Variants in MMP16 observed in about 807,000 individuals in gnomAD.
MMP16 encodes matrix metalloproteinase-16.
MMP16 carries 12 observed loss-of-function variants against 67.8 expected under a neutral mutation model. The observed-to-expected ratio is 0.18, with a 90% CI of 0.11 to 0.29. The LOEUF (loss-of-function observed/expected upper bound fraction) is 0.29. MMP16 is among the 10% of genes least tolerant of loss of function. The pLI is 1.00. For synonymous variants in MMP16, 249 were observed against 255.9 expected, an observed-to-expected ratio of 0.97 and a Z score of 0.26; for missense variants, 475 against 765.7, an observed-to-expected ratio of 0.62 and a Z score of 4.48.
intron 1 of MMP16, among the ~76,000 whole-genome samples, chr8:88,218,057 GC>G (rs1310700719): frequency 6.6e-6 from 1 of 151,800 alleles, no homozygotes; most frequent in Non-Finnish European, 1.5e-5. Context: ...ACTATATTAG[GC>G]AAAAGATCTT....
In MMP16 at chr8:88,318,622, T is replaced by G. The variant is rs569587678; in HGVS notation, c.132+8453A>C. ...CAGCCTGTCTGCTTTGATTTTAGGCTATCCCACTTCAGCACTTCATAGCAA... is the reference window on the plus strand; with the variant it reads ...CAGCCTGTCTGCTTTGATTTTAGGCGATCCCACTTCAGCACTTCATAGCAA... On this transcript the variant is annotated intron_variant, in intron 1 of 9. Transcript: ENST00000286614. Among the ~76,000 whole-genome samples the G allele has an allele frequency of 3.9e-5, 6 of 152,310 alleles. No individual in the cohort carries two copies. In the South Asian group the frequency reaches 1.2e-3, roughly 32 times the overall value.
chr8:88,272,563 TTAAA>T (rs1213287137), intron 1 of MMP16, among the ~76,000 whole-genome samples: 3 of 152,160 alleles, frequency 2.0e-5, no homozygotes, highest in African/African-American at 7.2e-5. Context: ...ATAGTTATCT[TTAAA>T]TACAGACAAT....
chr8:88,057,681 C>A (rs369384276), intron 7 of MMP16, among the ~76,000 whole-genome samples: 3 of 151,986 alleles, frequency 2.0e-5, no homozygotes, highest in Non-Finnish European at 4.4e-5. Context: ...AAACAAAAAC[C>A]ACACATCTTT....
chr8:88,119,655 T>C (rs1807786359), intron 4 of MMP16, among the ~76,000 whole-genome samples: 1 of 152,086 alleles, frequency 6.6e-6, no homozygotes, highest in Admixed American at 6.6e-5. Context: ...TGATGACTTC[T>C]ACATTTTGTT....
At position 88,040,064 on chromosome 8, in the gene MMP16, A is replaced by G. The variant is rs977921960; in HGVS notation, c.*1397T>C. 3 of 152,586 alleles carry G rather than the reference A, an allele frequency of 2.0e-5. No homozygotes were observed. Among genetic ancestry groups the G allele is most frequent in the African/African-American group, 7.2e-5 (3 of 41,434 alleles). 9.5% of individuals were successfully genotyped at this position (152,586 alleles called of 1,614,324 possible). A position where few individuals can be genotyped will look rare whatever the true frequency, so the allele number is the denominator to read the frequency against. On this transcript the variant is annotated 3_prime_UTR_variant, in exon 10 of 10. Transcript: ENST00000286614. ...CGTTTTAATTCATTTTTAAAATGGCAATGCTAACTGCATATACCAAGGCAA... is the reference window on the plus strand; with the variant it reads ...CGTTTTAATTCATTTTTAAAATGGCGATGCTAACTGCATATACCAAGGCAA...
chr8:88,173,158 C>G (rs1018684310), intron 3 of MMP16, among the ~76,000 whole-genome samples: 1 of 152,084 alleles, frequency 6.6e-6, no homozygotes, highest in African/African-American at 2.4e-5. Context: ...TTAAGGTAAT[C>G]TTCCTGCCTC....
Position 88,233,208 on chromosome 8 carries a change from C to T in MMP16, c.133-35902G>A, listed in dbSNP as rs181125899. Among the ~76,000 whole-genome samples, 58 of 152,212 alleles carry T rather than the reference C, an allele frequency of 3.8e-4. 2 individuals carry two copies. In the East Asian group the frequency reaches 0.01, roughly 27 times the overall value. ...CAAATGCCAGATATTATTATTCCAA[C>T]GACACTCCACTCCTTATTTTTTTTA... is the stretch of plus-strand genomic sequence containing the variant. On this transcript the variant is annotated intron_variant, in intron 1 of 9. Coordinates refer to ENST00000286614, the MANE Select transcript of MMP16 (RefSeq NM_005941.5).
chr8:88,286,086 T>G (rs1306809396), intron 1 of MMP16, among the ~76,000 whole-genome samples: 1 of 152,204 alleles, frequency 6.6e-6, no homozygotes, highest in African/African-American at 2.4e-5. Flanking sequence ...AAGGAGCTCT[T>G]TTTAGTTCTC....
intron 1 of MMP16, among the ~76,000 whole-genome samples, chr8:88,253,502 C>T (rs941165915): frequency 9.2e-5 from 14 of 152,010 alleles, no homozygotes; most frequent in African/African-American, 3.4e-4. Context: ...CTGTGGTCTT[C>T]CTTCCCAAAA....
intron 6 of MMP16, among the ~76,000 whole-genome samples, chr8:88,081,428 C>T (rs1196694767): frequency 6.6e-6 from 1 of 152,028 alleles, no homozygotes; most frequent in East Asian, 1.9e-4. Flanking sequence ...TCTATATCTC[C>T]CAATCACAGC....
intron 8 of MMP16, among the ~76,000 whole-genome samples, chr8:88,055,465 C>G (rs550205158): frequency 3.3e-5 from 5 of 152,300 alleles, no homozygotes; most frequent in Non-Finnish European, 7.3e-5. Context: ...ACCTTGGCCT[C>G]GCAAAATGCT....
chr8:88,213,047 A>AT (rs539017166), intron 1 of MMP16, among the ~76,000 whole-genome samples: 1 of 152,128 alleles, frequency 6.6e-6, no homozygotes, highest in Non-Finnish European at 1.5e-5. Flanking sequence ...GGTTGAAAGC[A>AT]TTTTTTTGTA....
intron 1 of MMP16, among the ~76,000 whole-genome samples, chr8:88,214,684 C>A (rs931474100): frequency 2.6e-5 from 4 of 152,078 alleles, no homozygotes; most frequent in Non-Finnish European, 5.9e-5. Flanking sequence ...AAGTATAAAT[C>A]GTCTGCTTAT....
intron 6 of MMP16, among the ~76,000 whole-genome samples, chr8:88,094,515 C>G (rs1220182016): frequency 6.6e-6 from 1 of 151,510 alleles, no homozygotes; most frequent in Non-Finnish European, 1.5e-5. Context: ...GAAACAGTAT[C>G]TTTCTCCCTT....
At chr8:88,307,966 A>C (rs1390840830) in intron 1 of MMP16, among the ~76,000 whole-genome samples, 1 of 152,142 alleles carries the variant, frequency 6.6e-6, no homozygotes, top group Non-Finnish European at 1.5e-5. Flanking sequence ...ATAACTCCAT[A>C]TCTCAGAAAG....
intron 1 of MMP16, among the ~76,000 whole-genome samples, chr8:88,282,353 G>A (rs1262749508): frequency 2.0e-5 from 3 of 152,198 alleles, no homozygotes; most frequent in Non-Finnish European, 2.9e-5. Flanking sequence ...GATTACAGGC[G>A]TGAGCCATGG....
chr8:88,215,190 C>A (rs895343823), intron 1 of MMP16, among the ~76,000 whole-genome samples: 1 of 151,960 alleles, frequency 6.6e-6, no homozygotes, highest in African/African-American at 2.4e-5. Flanking sequence ...ATTAGCTGGG[C>A]GTGGTGGTGG....
chr8:88,128,738 C>T (rs570142953), intron 4 of MMP16, among the ~76,000 whole-genome samples: 4 of 151,814 alleles, frequency 2.6e-5, no homozygotes, highest in African/African-American at 9.6e-5. Context: ...GATAGACCTC[C>T]TCTCTATACT....
At chr8:88,210,745 C>G (rs1164209447) in intron 1 of MMP16, among the ~76,000 whole-genome samples, 1 of 152,070 alleles carries the variant, frequency 6.6e-6, no homozygotes, top group Non-Finnish European at 1.5e-5. Context: ...AGGTTTTTAT[C>G]TTTGTCTTCT....
Sources: allele counts gnomAD v4.1 joint callset (sites outside exome capture counted in the v4.1 genomes callset), GRCh38; gene constraint gnomAD v4.1.1; transcripts MANE v1.5; gene names NCBI Gene and HGNC (gene_info 2026-07-23, HGNC 2026-07-21).